The following LRRC3B variants were observed in gnomAD, a reference collection of about 807,000 sequenced individuals.
LRRC3B encodes the protein leucine-rich repeat-containing protein 3B.
A neutral mutation model predicts 12.8 loss-of-function variants in LRRC3B; 2 were observed. The observed-to-expected ratio is 0.16, with a 90% CI of 0.06 to 0.49. The LOEUF (loss-of-function observed/expected upper bound fraction) is 0.49. LRRC3B is among the 20% of genes least tolerant of loss of function. The pLI is 0.96. For synonymous variants in LRRC3B, 132 were observed against 122.0 expected, an observed-to-expected ratio of 1.08 and a Z score of -0.54; for missense variants, 189 against 319.4, an observed-to-expected ratio of 0.59 and a Z score of 3.11.
chr3:26,665,908 A>G (rs1174733915), intron 1 of LRRC3B, among the ~76,000 whole-genome samples: 1 of 152,184 alleles, frequency 6.6e-6, no homozygotes, highest in Non-Finnish European at 1.5e-5. Flanking sequence ...AAGAGAGCTA[A>G]AAGTTTAATG....
intron 1 of LRRC3B, among the ~76,000 whole-genome samples, chr3:26,677,011 T>C (rs1699873705): frequency 6.6e-6 from 1 of 152,010 alleles, no homozygotes; most frequent in African/African-American, 2.4e-5. Context: ...GGTGTCATGG[T>C]GGAATAGAAA....
At chr3:26,694,383 G>A (rs1286561157) in intron 1 of LRRC3B, among the ~76,000 whole-genome samples, 3 of 152,150 alleles carry the variant, frequency 2.0e-5, no homozygotes, top group African/African-American at 2.4e-5. Context: ...TCCATTGTGA[G>A]TCTCAGAAAG....
intron 1 of LRRC3B, among the ~76,000 whole-genome samples, chr3:26,703,260 T>C (rs538645315): frequency 6.6e-6 from 1 of 152,286 alleles, no homozygotes; most frequent in South Asian, 2.1e-4. Flanking sequence ...TCTATGATAG[T>C]CAATAAGACT....
At chr3:26,639,098 T>C (rs531351981) in intron 1 of LRRC3B, among the ~76,000 whole-genome samples, 1 of 152,350 alleles carries the variant, frequency 6.6e-6, no homozygotes, top group African/African-American at 2.4e-5. Flanking sequence ...CCATTCTATA[T>C]AGTCTTGAAT....
intron 1 of LRRC3B, among the ~76,000 whole-genome samples, chr3:26,707,382 A>ATAAT (rs1486006780): frequency 6.6e-6 from 1 of 152,032 alleles, no homozygotes; most frequent in Non-Finnish European, 1.5e-5. Flanking sequence ...TAAAAATAAA[A>ATAAT]TAATAAATAA....
At chr3:26,695,512 G>A (rs1575170954) in intron 1 of LRRC3B, among the ~76,000 whole-genome samples, 1 of 146,496 alleles carries the variant, frequency 6.8e-6, no homozygotes, top group East Asian at 2.1e-4. Flanking sequence ...GGGCGACAGA[G>A]CCAGACAACA....
intron 1 of LRRC3B, among the ~76,000 whole-genome samples, chr3:26,705,100 A>G (rs908672655): frequency 6.6e-6 from 1 of 152,178 alleles, no homozygotes; most frequent in Non-Finnish European, 1.5e-5. Flanking sequence ...GATGAAAAGA[A>G]AGAAATAAGC....
At chr3:26,675,628 CAACT>C (rs1348066703) in intron 1 of LRRC3B, among the ~76,000 whole-genome samples, 3 of 152,080 alleles carry the variant, frequency 2.0e-5, no homozygotes, top group African/African-American at 4.8e-5. Context: ...TTGGAATAAC[CAACT>C]GTTTTTCTTC....
rs139527145 is a variant in LRRC3B at position 26,695,525 on chromosome 3, T to TCAAA, written c.-160-13971_-160-13968dup. On this transcript the variant is annotated intron_variant, in intron 1 of 1. Coordinates refer to ENST00000396641, the Ensembl canonical transcript of LRRC3B. Reference sequence around the variant, plus strand: ...CTGGGCGACAGAGCCAGACAACATCTCAAACAAACAAACAAACAAAAAAAC... The same window carrying TCAAA: ...CTGGGCGACAGAGCCAGACAACATCTCAAACAAACAAACAAACAAACAAAAAAAC... Among the ~76,000 whole-genome samples the TCAAA allele has an allele frequency of 8.6e-3, 1,298 of 151,474 alleles. 29 individuals carry two copies. The highest frequency in any genetic ancestry group is 0.077 in the East Asian group (392 of 5,098).
At chr3:26,661,103 C>A (rs961440947) in intron 1 of LRRC3B, among the ~76,000 whole-genome samples, 58 of 152,224 alleles carry the variant, frequency 3.8e-4, no homozygotes, top group African/African-American at 1.3e-3. Context: ...GAAGTGCTGA[C>A]CCCAGGGGTA....
chr3:26,637,016 T>C (rs1331650715), intron 1 of LRRC3B, among the ~76,000 whole-genome samples: 1 of 133,576 alleles, frequency 7.5e-6, no homozygotes, highest in Non-Finnish European at 1.7e-5. Flanking sequence ...TTCTTTCTTT[T>C]GAGACGGAGT....
intron 1 of LRRC3B, among the ~76,000 whole-genome samples, chr3:26,635,279 G>C (rs1473885156): frequency 6.6e-6 from 1 of 152,140 alleles, no homozygotes; most frequent in Non-Finnish European, 1.5e-5. Context: ...TCTCCTCTGA[G>C]GTGGATTTGA....
At chr3:26,689,022 G>A (rs1257556931) in intron 1 of LRRC3B, among the ~76,000 whole-genome samples, 1 of 152,256 alleles carries the variant, frequency 6.6e-6, no homozygotes, top group South Asian at 2.1e-4. Flanking sequence ...CCCATAATAG[G>A]ATGAGTGCCA....
At position 26,671,011 on chromosome 3, in the gene LRRC3B, C is replaced by CTTTT. The variant is rs762788262; in HGVS notation, c.-160-38483_-160-38480dup. ...GGGCACAGTCTACCTTCTCATGTAT[C>CTTTT]TTTTTTTTTTTTTTTTTTTTTTGAG... On this transcript the variant is annotated intron_variant, in intron 1 of 1. Transcript: ENST00000396641. Among the ~76,000 whole-genome samples, 301 of 95,544 alleles carry CTTTT rather than the reference C, an allele frequency of 3.2e-3. 11 individuals carry two copies. Among genetic ancestry groups the CTTTT allele is most frequent in the African/African-American group, 0.01 (230 of 22,672 alleles). The allele number at this position is 95,544 out of a possible 152,430, so 62.7% of individuals were successfully genotyped here.
In LRRC3B at chr3:26,693,276, T is replaced by G. The variant is rs376039026; in HGVS notation, c.-160-16237T>G. Among the ~76,000 whole-genome samples, 1,093 of 136,874 alleles carry G rather than the reference T, an allele frequency of 8.0e-3. 26 individuals are homozygous for G. Among genetic ancestry groups the G allele is most frequent in the African/African-American group, 0.028 (987 of 35,520 alleles). 89.8% of individuals were successfully genotyped at this position (136,874 alleles called of 152,430 possible). On this transcript the variant is annotated intron_variant, in intron 1 of 1. Coordinates refer to ENST00000396641, the Ensembl canonical transcript of LRRC3B. ...CCCGGGAGGCGGAGCTTGCAGTGAG[T>G]CGAGATCGCGCCACTGCACTCCAGC...
chr3:26,657,788 T>C (rs1559357443), intron 1 of LRRC3B, among the ~76,000 whole-genome samples: 1 of 152,182 alleles, frequency 6.6e-6, no homozygotes, highest in Non-Finnish European at 1.5e-5. Context: ...TTCATTCATT[T>C]CTGGGCTCAC....
At chr3:26,639,119 T>C (rs565021866) in intron 1 of LRRC3B, among the ~76,000 whole-genome samples, 4 of 152,340 alleles carry the variant, frequency 2.6e-5, no homozygotes, top group African/African-American at 9.6e-5. Context: ...AGAGCTGCAC[T>C]GTTCAATACA....
chr3:26,648,401 T>A (rs1340206784), intron 1 of LRRC3B, among the ~76,000 whole-genome samples: 1 of 152,136 alleles, frequency 6.6e-6, no homozygotes, highest in Non-Finnish European at 1.5e-5. Flanking sequence ...TGCCTTTTTG[T>A]ACACACACTC....
chr3:26,636,972 T>TTC (rs1164676086), intron 1 of LRRC3B, among the ~76,000 whole-genome samples: 1 of 76,104 alleles, frequency 1.3e-5, no homozygotes, highest in Non-Finnish European at 2.5e-5. Context: ...CTTTCTTTCT[T>TTC]TCTCTCTCTC....
Sources: allele counts gnomAD v4.1 joint callset (sites outside exome capture counted in the v4.1 genomes callset), GRCh38; gene constraint gnomAD v4.1.1; transcripts MANE v1.5; gene names NCBI Gene and HGNC (gene_info 2026-07-23, HGNC 2026-07-21).